Variants in TRPC5 observed in about 807,000 individuals in gnomAD.
The protein encoded by TRPC5 is transient receptor potential cation channel subfamily C member 5, also known as short transient receptor potential channel 5.
In TRPC5, 9 loss-of-function variants were observed where a neutral mutation model predicts 56.5. The observed-to-expected ratio is 0.16, with a 90% CI of 0.10 to 0.28. The LOEUF (loss-of-function observed/expected upper bound fraction) is 0.28. Ranked by LOEUF, TRPC5 falls within the 10% of genes least tolerant of loss-of-function variation. TRPC5 has a pLI of 1.00. For synonymous variants in TRPC5, 282 were observed against 278.5 expected (o/e 1.01, Z -0.13); for missense variants, 469 against 748.9 (o/e 0.63, Z 4.36).
intron 3 of TRPC5, chrX:111,902,071 T>C: frequency 8.7e-7 from 1 of 1,154,857 alleles, no homozygotes; most frequent in Non-Finnish European, 1.1e-6. Context: ...ACTCAATACT[T>C]ACACCAAGAG....
chrX:111,788,113 A>C (rs771451783), intron 7 of TRPC5, among the ~76,000 whole-genome samples: 2 of 111,974 alleles, frequency 1.8e-5, no homozygotes, highest in Non-Finnish European at 3.8e-5. Context: ...ACAACAAAAA[A>C]AGAGAATTTC....
At chrX:111,910,303 A>G (rs767785849) in intron 3 of TRPC5, among the ~76,000 whole-genome samples, 1 of 112,225 alleles carries the variant, frequency 8.9e-6, no homozygotes, top group Non-Finnish European at 1.9e-5. Flanking sequence ...TGAAACAATA[A>G]TATACATCTT....
intron 7 of TRPC5, among the ~76,000 whole-genome samples, chrX:111,823,316 AC>A (rs1458699466): frequency 9.0e-6 from 1 of 111,247 alleles, no homozygotes; most frequent in Non-Finnish European, 1.9e-5. Context: ...AGCCTTTGGT[AC>A]CCCCTGCAGC....
At chrX:111,850,805 TACAGATACGTTTTTC>T (rs1259013541) in intron 5 of TRPC5, among the ~76,000 whole-genome samples, 6 of 112,266 alleles carry the variant, frequency 5.3e-5, no homozygotes, top group Non-Finnish European at 9.4e-5. Context: ...GTTGAGAATC[TACAGATACGTTTTTC>T]ACATCCCCAA....
At chrX:112,012,383 C>CTTTTCT (rs759383607) in intron 1 of TRPC5, among the ~76,000 whole-genome samples, 92 of 109,994 alleles carry the variant, frequency 8.4e-4, no homozygotes, top group African/African-American at 2.6e-3. Flanking sequence ...TTTTTCTTTT[C>CTTTTCT]TTTTCTTTTT....
At chrX:111,812,053 G>T (rs1182647563) in intron 7 of TRPC5, among the ~76,000 whole-genome samples, 1 of 110,614 alleles carries the variant, frequency 9.0e-6, no homozygotes, top group Non-Finnish European at 1.9e-5. Context: ...CAACTCCTGT[G>T]GGTATTCAGC....
intron 3 of TRPC5, among the ~76,000 whole-genome samples, chrX:111,868,867 A>G (rs1030992881): frequency 4.5e-5 from 5 of 111,676 alleles, no homozygotes; most frequent in Non-Finnish European, 9.4e-5. Flanking sequence ...GCACATAGAA[A>G]TGGGCCCAAT....
At chrX:111,960,377 T>A (rs922809479) in intron 1 of TRPC5, among the ~76,000 whole-genome samples, 1 of 112,509 alleles carries the variant, frequency 8.9e-6, no homozygotes, top group Non-Finnish European at 1.9e-5. Context: ...GAGGTTTGTA[T>A]AACCACTGAC....
chrX:111,812,299 T>C (rs3027751), intron 7 of TRPC5, among the ~76,000 whole-genome samples: 5,916 of 111,116 alleles, frequency 0.053, 382 homozygotes, highest in African/African-American at 0.18. Flanking sequence ...TGTGTGTGCA[T>C]AGAATGCTTT....
chrX:112,056,132 G>A (rs1198073536), intron 1 of TRPC5, among the ~76,000 whole-genome samples: 1 of 111,790 alleles, frequency 8.9e-6, no homozygotes, highest in Non-Finnish European at 1.9e-5. Context: ...TTGAGCAGGT[G>A]CAGCCCTAAA....
intron 3 of TRPC5, among the ~76,000 whole-genome samples, chrX:111,868,947 C>T (rs948130916): frequency 1.8e-5 from 2 of 111,584 alleles, no homozygotes; most frequent in Non-Finnish European, 3.8e-5. Flanking sequence ...TTTAAAAACC[C>T]GCCTCTACAG....
At chrX:112,020,434 A>C (rs944996358) in intron 1 of TRPC5, among the ~76,000 whole-genome samples, 3 of 111,581 alleles carry the variant, frequency 2.7e-5, no homozygotes, top group Admixed American at 9.6e-5. Context: ...TTTGAGCTTC[A>C]AAGTTCTCTG....
intron 3 of TRPC5, among the ~76,000 whole-genome samples, chrX:111,884,638 T>C (rs1924385642): frequency 8.9e-6 from 1 of 112,775 alleles, no homozygotes; most frequent in Admixed American, 9.3e-5. Context: ...CAGAGTCTAG[T>C]TAAAGTAGAG....
At chrX:112,081,690 T>A (rs146435281) in intron 1 of TRPC5, among the ~76,000 whole-genome samples, 189 bp downstream of exon 1, 2 of 111,412 alleles carry the variant, frequency 1.8e-5, no homozygotes, top group African/African-American at 3.3e-5. Flanking sequence ...CCCATTGCAT[T>A]TCCTCTTCCA....
At chrX:111,834,755 A>G (rs1223066153) in intron 7 of TRPC5, among the ~76,000 whole-genome samples, 166 bp downstream of exon 7, 2 of 112,491 alleles carry the variant, frequency 1.8e-5, no homozygotes, top group African/African-American at 3.2e-5. Flanking sequence ...CTAAGAGTCC[A>G]ACCTGAATTG....
chrX:111,923,460 G>A (rs1042447247), intron 2 of TRPC5, among the ~76,000 whole-genome samples: 3 of 111,893 alleles, frequency 2.7e-5, no homozygotes, highest in African/African-American at 9.7e-5. Flanking sequence ...TAATTTGTGA[G>A]TTTTAGTTTG....
chrX:111,995,971 GTCTCTA>G (rs1404994541), intron 1 of TRPC5, among the ~76,000 whole-genome samples: 2 of 108,061 alleles, frequency 1.9e-5, no homozygotes, highest in African/African-American at 3.4e-5. Flanking sequence ...TTTTTTGTGT[GTCTCTA>G]TCTCTTTCAC....
intron 7 of TRPC5, among the ~76,000 whole-genome samples, chrX:111,794,199 A>G (rs945760449): frequency 8.9e-6 from 1 of 112,095 alleles, no homozygotes; most frequent in Non-Finnish European, 1.9e-5. Context: ...TATGTGAATT[A>G]TATCTTAGTA....
At chrX:111,780,286 AT>A (rs1945909542) in intron 9 of TRPC5, among the ~76,000 whole-genome samples, 1 of 107,168 alleles carries the variant, frequency 9.3e-6, no homozygotes, top group Non-Finnish European at 1.9e-5. Flanking sequence ...TATTAGGTTT[AT>A]TACTTTTTTT....
Sources: gnomAD v4.1 joint callset for allele counts (sites outside exome capture counted in the v4.1 genomes callset) on GRCh38, gnomAD v4.1.1 for gene constraint, MANE v1.5 for transcripts, NCBI Gene and HGNC (gene_info 2026-07-23, HGNC 2026-07-21) for gene names.